Variants in NR4A1 observed in about 807,000 individuals in gnomAD.
NR4A1 encodes nuclear receptor subfamily 4immunitygroup A member 1.
Under a neutral mutation model 47.5 loss-of-function variants are expected in NR4A1, and 24 were observed. That is an observed-to-expected ratio of 0.50 (90% CI 0.37 to 0.71). The LOEUF is 0.71. NR4A1 is among the 30% of genes least tolerant of loss of function. The probability of loss-of-function intolerance (pLI) is 0.00; values close to 1 mark genes in which losing one functional copy is unlikely to be tolerated. For synonymous variants in NR4A1, 353 were observed against 345.7 expected, an observed-to-expected ratio of 1.02 and a Z score of -0.24; for missense variants, 669 against 788.6, an observed-to-expected ratio of 0.85 and a Z score of 1.82.
intron 1 of NR4A1, 126 bp from the exon 2 acceptor site, chr12:52,054,201 T>A: frequency 1.3e-6 from 1 of 791,266 alleles, no homozygotes; most frequent in Non-Finnish European, 2.0e-6. Flanking sequence ...TCCCGGTGCC[T>A]CTGTCTCATC....
exon 2 of NR4A1, chr12:52,041,841 C>T (rs774894553): frequency 9.3e-6 from 14 of 1,503,596 alleles, no homozygotes; most frequent in Non-Finnish European, 9.7e-6. Context: ...CAGGCCCTGC[C>T]CCTCCCAGGC....
chr12:52,027,651 G>C (rs1012745272), intron 1 of NR4A1, among the ~76,000 whole-genome samples: 1 of 152,194 alleles, frequency 6.6e-6, no homozygotes, highest in Non-Finnish European at 1.5e-5. Flanking sequence ...GGGTGCACGT[G>C]GGGGCTGCAG....
intron 2 of NR4A1, among the ~76,000 whole-genome samples, chr12:52,044,102 T>A (rs556802797): frequency 1.5e-4 from 23 of 152,334 alleles, no homozygotes; most frequent in African/African-American, 5.3e-4. Flanking sequence ...ACGCTGTGAC[T>A]GAGAACTAGG....
At chr12:52,044,649 G>A (rs1397571049) in intron 2 of NR4A1, among the ~76,000 whole-genome samples, 1 of 152,232 alleles carries the variant, frequency 6.6e-6, no homozygotes, top group East Asian at 1.9e-4. Context: ...AGTCTTTCCG[G>A]CTGGGACTCG....
chr12:52,054,548 A>G lies in NR4A1; in HGVS notation c.220A>G (p.Thr74Ala). The change falls in exon 2 of 7, where the codon ACA (threonine) becomes GCA (alanine). Residue 74 changes from threonine to alanine, a missense_variant. Transcript: ENST00000394825. ...CACCTTCCTCTACCAGCTGCCAGGA[A>G]CAGTCCAGCCATGCTCCTCAGCCTC... ...FDTFLYQLPG[T>A]VQPCSSASSS... 4 of 1,614,046 alleles carry G rather than the reference A, an allele frequency of 2.5e-6. No homozygotes were observed. In the South Asian group the frequency reaches 3.3e-5, roughly 13 times the overall value.
chr12:52,056,215 C>A, intron 3 of NR4A1, 56 bp downstream of exon 3: 1 of 1,524,612 alleles, frequency 6.6e-7, no homozygotes. Flanking sequence ...TGGAGTGGGA[C>A]CAGCAGGGCC....
rs765257858 is a variant in NR4A1 at position 52,035,901 on chromosome 12, G to A, written c.-83-5909G>A. ...CTTTTGGAGAATTTTGAGCACAGAA[G>A]AGATTCTTTGCTGCGTGGGGCCTGG... On this transcript the variant is annotated intron_variant, in intron 1 of 7. Transcript: ENST00000360284. Among the ~76,000 whole-genome samples the A allele has an allele frequency of 6.9e-4, 105 of 152,284 alleles. 1 individual carries two copies. Among genetic ancestry groups the A allele is most frequent in the Non-Finnish European group, 1.4e-3 (96 of 68,024 alleles).
At chr12:52,034,816 C>T (rs1407960604) in intron 1 of NR4A1, among the ~76,000 whole-genome samples, 1 of 152,194 alleles carries the variant, frequency 6.6e-6, no homozygotes. Flanking sequence ...AGGGTAAGCA[C>T]CTTGGATGTA....
chr12:52,034,019 G>C (rs1938186401), intron 1 of NR4A1, among the ~76,000 whole-genome samples: 1 of 152,174 alleles, frequency 6.6e-6, no homozygotes, highest in African/African-American at 2.4e-5. Flanking sequence ...TGAGATGGAA[G>C]GGCACCTGGG....
chr12:52,043,015 C>CA (rs1362546953), intron 2 of NR4A1, among the ~76,000 whole-genome samples: 2 of 152,102 alleles, frequency 1.3e-5, no homozygotes, highest in East Asian at 3.9e-4. Context: ...GCAGAGAGCC[C>CA]CAGAGAGGTG....
Position 52,054,925 on chromosome 12 carries a change from C to G in NR4A1, c.597C>G (p.Ser199Arg), listed in dbSNP as rs761496057. 6.2e-7 allele frequency: 1 copy of G among 1,614,182 alleles called. No individual in the cohort carries two copies. Among genetic ancestry groups the G allele is most frequent in the Non-Finnish European group, 8.5e-7 (1 of 1,180,032 alleles). The change falls in exon 2 of 7, where the codon AGC (serine) becomes AGG (arginine). Residue 199 changes from serine (S) to arginine (R), a missense_variant. Coordinates refer to ENST00000394825, the MANE Select transcript of NR4A1 (RefSeq NM_173157.3). Reference sequence around the variant, plus strand: ...CCTTCAGTCCTCCCACCGGCCCCAGCCCCAGCCTGGCCCAGAGCCCCCTGA... The same window carrying G: ...CCTTCAGTCCTCCCACCGGCCCCAGGCCCAGCCTGGCCCAGAGCCCCCTGA... ...FFSFSPPTGP[S>R]PSLAQSPLKL...
chr12:52,038,826 A>C (rs915818252), intron 1 of NR4A1: 1 of 734,426 alleles, frequency 1.4e-6, no homozygotes, highest in Admixed American at 1.8e-5. Context: ...CCTCTGCTGG[A>C]CTTAAGAAAG....
intron 2 of NR4A1, among the ~76,000 whole-genome samples, chr12:52,042,245 G>T (rs1938467854): frequency 6.6e-6 from 1 of 152,164 alleles, no homozygotes; most frequent in African/African-American, 2.4e-5. Context: ...ATTCCAGGAA[G>T]CAGATAGGGT....
At chr12:52,041,793 C>A in intron 1 of NR4A1, 2 of 1,326,132 alleles carry the variant, frequency 1.5e-6, no homozygotes, top group Admixed American at 3.1e-5. Flanking sequence ...TCACTCACAT[C>A]GACTCTCCCT....
intron 1 of NR4A1, among the ~76,000 whole-genome samples, chr12:52,029,604 C>T (rs1938074368): frequency 6.6e-6 from 1 of 152,200 alleles, no homozygotes; most frequent in Non-Finnish European, 1.5e-5. Context: ...GGGAGGATCA[C>T]TTGAGCCAGG....
Position 52,044,996 on chromosome 12 carries a change from G to T in NR4A1, c.37+3067G>T, listed in dbSNP as rs141350158. Among the ~76,000 whole-genome samples, 1,320 of 152,330 alleles carry T rather than the reference G, an allele frequency of 8.7e-3. 5 individuals carry two copies. The highest frequency in any genetic ancestry group is 0.015 in the Non-Finnish European group (1,024 of 68,020). ...TGAGAGGGAGGGAGGGAGGGGTAGA[G>T]AAATCACTGGACTGAAGATAGCCTC... On this transcript the variant is annotated intron_variant, in intron 2 of 7. Coordinates refer to the NR4A1 transcript ENST00000360284.
chr12:52,037,870 G>A, intron 1 of NR4A1: 5 of 985,244 alleles, frequency 5.1e-6, no homozygotes, highest in Non-Finnish European at 6.0e-6. Context: ...GCGGAGCTGG[G>A]GATTAGGACT....
chr12:52,032,379 C>T (rs1367603244), intron 1 of NR4A1, among the ~76,000 whole-genome samples: 2 of 152,350 alleles, frequency 1.3e-5, no homozygotes, highest in Middle Eastern at 3.4e-3. Context: ...CCTTCAGACG[C>T]GGACTGGAAC....
intron 1 of NR4A1, among the ~76,000 whole-genome samples, chr12:52,031,085 A>G (rs1345089390): frequency 1.3e-5 from 2 of 152,036 alleles, no homozygotes; most frequent in East Asian, 1.9e-4. Flanking sequence ...GTGCTGTCAC[A>G]GCTCGCTACA....
Sources: allele counts gnomAD v4.1 joint callset (sites outside exome capture counted in the v4.1 genomes callset), GRCh38; gene constraint gnomAD v4.1.1; transcripts MANE v1.5; gene names NCBI Gene and HGNC (gene_info 2026-07-23, HGNC 2026-07-21).